ITCH: variants seen among roughly 807,000 people sequenced by gnomAD.
ITCH encodes the protein E3 ubiquitin-protein ligase Itchy homolog.
In ITCH, 28 loss-of-function variants were observed where a neutral mutation model predicts 126.8. That is an observed-to-expected ratio of 0.22 (90% CI 0.16 to 0.30). The LOEUF (loss-of-function observed/expected upper bound fraction) is 0.30, where lower values mean the gene tolerates loss of function less well. Ranked by LOEUF, ITCH falls within the 10% of genes least tolerant of loss-of-function variation. The probability of loss-of-function intolerance (pLI) is 1.00; values close to 1 mark genes in which losing one functional copy is unlikely to be tolerated. For synonymous variants in ITCH, 342 were observed against 340.0 expected (o/e 1.01, Z -0.06); for missense variants, 631 against 1,032.4 (o/e 0.61, Z 5.33).
intron 7 of ITCH, among the ~76,000 whole-genome samples, chr20:34,427,448 T>C (rs1981689887): frequency 6.6e-6 from 1 of 151,720 alleles, no homozygotes; most frequent in South Asian, 2.1e-4. Flanking sequence ...ACAGAAAAAT[T>C]AAAATTAAAA....
intron 9 of ITCH, among the ~76,000 whole-genome samples, chr20:34,440,703 T>A (rs1462312511): frequency 6.6e-6 from 1 of 151,954 alleles, no homozygotes; most frequent in African/African-American, 2.4e-5. Context: ...TCCGACCACC[T>A]CAACCTCTGA....
intron 11 of ITCH, among the ~76,000 whole-genome samples, chr20:34,447,646 A>G (rs1003480987): frequency 6.6e-6 from 1 of 152,178 alleles, no homozygotes; most frequent in African/African-American, 2.4e-5. Flanking sequence ...AATTGTCAGT[A>G]CAGTATGTCA....
At chr20:34,474,693 G>A (rs1331807833) in intron 16 of ITCH, among the ~76,000 whole-genome samples, 1 of 152,182 alleles carries the variant, frequency 6.6e-6, no homozygotes, top group Non-Finnish European at 1.5e-5. Flanking sequence ...CCTCCCAGAC[G>A]GGGTGGTGGC....
At chr20:34,432,239 TAAACTA>T (rs956372183) in intron 7 of ITCH, among the ~76,000 whole-genome samples, 6 of 152,078 alleles carry the variant, frequency 3.9e-5, no homozygotes, top group African/African-American at 1.4e-4. Flanking sequence ...TTTAAAAAAT[TAAACTA>T]AAACCTCTAG....
chr20:34,417,468 C>T (rs978302728), intron 6 of ITCH, among the ~76,000 whole-genome samples: 4 of 147,354 alleles, frequency 2.7e-5, no homozygotes, highest in African/African-American at 5.0e-5. Flanking sequence ...GGCACGATCT[C>T]GGCTCACTAC....
At chr20:34,427,917 C>A (rs1053659520) in intron 7 of ITCH, among the ~76,000 whole-genome samples, 29 of 152,196 alleles carry the variant, frequency 1.9e-4, no homozygotes, top group Non-Finnish European at 4.3e-4. Context: ...CATCAAACCA[C>A]TTGTACTCTG....
At chr20:34,462,442 A>T (rs1424393349) in intron 14 of ITCH, among the ~76,000 whole-genome samples, 3 of 152,144 alleles carry the variant, frequency 2.0e-5, no homozygotes, top group Non-Finnish European at 4.4e-5. Context: ...CACTAAATGA[A>T]ACTATTTAGA....
intron 11 of ITCH, among the ~76,000 whole-genome samples, chr20:34,448,054 CAT>C (rs1353652880): frequency 2.0e-5 from 3 of 152,150 alleles, no homozygotes; most frequent in African/African-American, 7.2e-5. Flanking sequence ...ATAAAATTAA[CAT>C]TGATTCTTTA....
At chr20:34,467,025 C>A (rs1001249870) in intron 14 of ITCH, among the ~76,000 whole-genome samples, 2 of 152,080 alleles carry the variant, frequency 1.3e-5, no homozygotes, top group South Asian at 2.1e-4. Context: ...ATTAACAACC[C>A]TTAGTAATTA....
At chr20:34,457,612 T>G in intron 13 of ITCH, 138 bp downstream of exon 13, 1 of 679,316 alleles carries the variant, frequency 1.5e-6, no homozygotes, top group South Asian at 1.6e-5. Context: ...AAGAGAAAAT[T>G]ATACTATTAT....
At chr20:34,461,875 C>T (rs1245727740) in intron 13 of ITCH, among the ~76,000 whole-genome samples, 1 of 152,048 alleles carries the variant, frequency 6.6e-6, no homozygotes, top group Non-Finnish European at 1.5e-5. Flanking sequence ...GAACATAAGC[C>T]AAGTAGACGG....
chr20:34,465,136 A>G (rs1986929843), intron 14 of ITCH, among the ~76,000 whole-genome samples: 1 of 152,218 alleles, frequency 6.6e-6, no homozygotes, highest in African/African-American at 2.4e-5. Flanking sequence ...TTTCCCAAGC[A>G]CCATTTGTTG....
intron 7 of ITCH, among the ~76,000 whole-genome samples, chr20:34,428,406 C>T (rs1981837746): frequency 6.6e-6 from 1 of 152,144 alleles, no homozygotes; most frequent in African/African-American, 2.4e-5. Context: ...TTAATTCAAG[C>T]ACTGTCTGTA....
At chr20:34,433,023 C>T (rs1045516133) in intron 7 of ITCH, among the ~76,000 whole-genome samples, 5 of 152,134 alleles carry the variant, frequency 3.3e-5, no homozygotes, top group Non-Finnish European at 7.3e-5. Flanking sequence ...GGCGCAGTGG[C>T]TCATGCCTGT....
intron 12 of ITCH, among the ~76,000 whole-genome samples, chr20:34,455,417 AC>A (rs1320589569): frequency 6.6e-6 from 1 of 152,160 alleles, no homozygotes; most frequent in Non-Finnish European, 1.5e-5. Context: ...AAACAGCAGA[AC>A]TGTTAAAATT....
chr20:34,482,100 G>A (rs540627221), intron 20 of ITCH, among the ~76,000 whole-genome samples: 2 of 152,300 alleles, frequency 1.3e-5, no homozygotes, highest in South Asian at 2.1e-4. Context: ...ACCCACCCCC[G>A]TGATCCCATG....
At chr20:34,370,327 C>G (rs1157626154) in intron 2 of ITCH, among the ~76,000 whole-genome samples, 2 of 151,894 alleles carry the variant, frequency 1.3e-5, no homozygotes, top group Non-Finnish European at 2.9e-5. Context: ...AAAATAATAC[C>G]TATTAAATCT....
intron 9 of ITCH, among the ~76,000 whole-genome samples, 181 bp downstream of exon 9, chr20:34,440,525 T>C (rs1983613082): frequency 6.6e-6 from 1 of 152,034 alleles, no homozygotes; most frequent in Non-Finnish European, 1.5e-5. Flanking sequence ...GGTGTGATCT[T>C]GGCTCACTGC....
At position 34,379,894 on chromosome 20, in the gene ITCH, G is replaced by GC. The variant is rs138821902; in HGVS notation, c.-22+10436dup. On this transcript the variant is annotated intron_variant, in intron 2 of 24. Coordinates refer to ENST00000374864, the MANE Select transcript of ITCH (RefSeq NM_031483.7). ...TTACAGGCGTGAACCACTGCACCCGGCCCCCCCCCCCCTTTTTTTTTGAGA... is the reference window on the plus strand; with the variant it reads ...TTACAGGCGTGAACCACTGCACCCGGCCCCCCCCCCCCCTTTTTTTTTGAGA... Among the ~76,000 whole-genome samples, 112 of 98,212 alleles carry GC rather than the reference G, an allele frequency of 1.1e-3. 2 individuals are homozygous for GC. Among genetic ancestry groups the GC allele is most frequent in the South Asian group, 3.9e-3 (10 of 2,564 alleles). The allele number at this position is 98,212 out of a possible 152,430, so 64.4% of individuals were successfully genotyped here. A position where few individuals can be genotyped will look rare whatever the true frequency, so the allele number is the denominator to read the frequency against.
Sources: gnomAD v4.1 joint callset for allele counts (sites outside exome capture counted in the v4.1 genomes callset) on GRCh38, gnomAD v4.1.1 for gene constraint, MANE v1.5 for transcripts, NCBI Gene and HGNC (gene_info 2026-07-23, HGNC 2026-07-21) for gene names.